Variants in TASOR2 observed in about 807,000 individuals in gnomAD.
TASOR2 encodes the protein protein TASOR 2.
Under a neutral mutation model 199.5 loss-of-function variants are expected in TASOR2, and 84 were observed. That is an observed-to-expected ratio of 0.42 (90% CI 0.35 to 0.50). The LOEUF (loss-of-function observed/expected upper bound fraction) is 0.50. Ranked by LOEUF, TASOR2 falls within the 20% of genes least tolerant of loss-of-function variation. TASOR2 has a pLI of 0.02. For synonymous variants in TASOR2, 1,103 were observed against 1,046.6 expected (o/e 1.05, Z -1.04); for missense variants, 2,796 against 2,835.9 (o/e 0.99, Z 0.32).
intron 1 of TASOR2, among the ~76,000 whole-genome samples, chr10:5,703,781 C>A (rs1294051221): frequency 6.6e-6 from 1 of 151,972 alleles, no homozygotes; most frequent in Non-Finnish European, 1.5e-5. Flanking sequence ...GGATTACAGG[C>A]GTGAGCCACC....
At chr10:5,762,511 G>GT (rs57228390) in intron 19 of TASOR2, 21 bp from the exon 21 acceptor site, 15,502 of 586,728 alleles carry the variant, frequency 0.026, 80 homozygotes, top group African/African-American at 0.036. Context: ...ACCAAAAGTT[G>GT]TTTTTTTTTT....
intron 2 of TASOR2, among the ~76,000 whole-genome samples, chr10:5,716,446 C>T (rs1832650377): frequency 1.3e-5 from 2 of 152,246 alleles, no homozygotes; most frequent in South Asian, 4.1e-4. Context: ...TTACATTCAA[C>T]TCATCTTCTA....
At chr10:5,749,660 G>A (rs1223546088) in exon 15 of TASOR2, 17 of 1,613,986 alleles carry the variant, frequency 1.1e-5, no homozygotes, top group Non-Finnish European at 1.4e-5. Context: ...AGAGATCTTA[G>A]AAATTCTCAA....
At chr10:5,735,349 A>T (rs1820569824) in exon 12 of TASOR2, 1 of 1,614,160 alleles carries the variant, frequency 6.2e-7, no homozygotes, top group East Asian at 2.2e-5. Flanking sequence ...ACCAAATTGG[A>T]TAGGAAAAAC....
In TASOR2 at chr10:5,742,094, T is replaced by C. The variant is rs371359465; in HGVS notation, c.2328-3T>C. On this transcript the variant is annotated splice_region_variant and splice_polypyrimidine_tract_variant and intron_variant, in intron 13 of 20. Coordinates refer to ENST00000328090, the Ensembl canonical transcript of TASOR2. This position sits in a 1 kb window ranked among gnomAD's most constrained non-coding sequence, Gnocchi z 4.2. ...TTCATGTGTTCTTTCTGTAAACTCT[T>C]AGGCCCTGGAATACTGATTTGCCTG... is the stretch of plus-strand genomic sequence containing the variant. 1.9e-6 allele frequency: 3 copies of C among 1,612,532 alleles called. No individual in the cohort carries two copies. The highest frequency in any genetic ancestry group is 2.5e-6 in the Non-Finnish European group (3 of 1,179,646).
rs138081312 is a variant in TASOR2 at position 5,752,084 on chromosome 10, G to A, written c.6606+2057G>A. ...TCCCGAAACTCCCTGACCTGAGCGC[G>A]GGCCAGCTGCCCTCCCCCTACCCTT... On this transcript the variant is annotated intron_variant, in intron 15 of 20. Coordinates refer to ENST00000328090, the Ensembl canonical transcript of TASOR2. The surrounding 1 kb of genome is among the most constrained non-coding windows in gnomAD (Gnocchi z 4.4). Among the ~76,000 whole-genome samples the A allele has an allele frequency of 1.8e-4, 28 of 152,098 alleles. No individual in the cohort carries two copies. The highest frequency in any genetic ancestry group is 5.5e-4 in the African/African-American group (23 of 41,496).
chr10:5,736,290 T>C (rs2131604633), intron 12 of TASOR2, among the ~76,000 whole-genome samples: 1 of 152,134 alleles, frequency 6.6e-6, no homozygotes, highest in Non-Finnish European at 1.5e-5. Context: ...TGGTGGCACA[T>C]GCCTGTAATC....
At position 5,703,705 on chromosome 10, in the gene TASOR2, G is replaced by A. The variant is rs1838202692; in HGVS notation, c.-287-9118G>A. Among the ~76,000 whole-genome samples, 4 of 151,208 alleles carry A rather than the reference G, an allele frequency of 2.6e-5. No individual in the cohort carries two copies. In the South Asian group the frequency reaches 8.4e-4, roughly 32 times the overall value. On this transcript the variant is annotated intron_variant, in intron 1 of 20. Transcript: ENST00000328090. Reference sequence around the variant, plus strand: ...TTTTTAGTAGAGACGGGGTTTCACTGTGTTAGCCACGATGGTCTCGATCTC... The same window carrying A: ...TTTTTAGTAGAGACGGGGTTTCACTATGTTAGCCACGATGGTCTCGATCTC...
Position 5,698,700 on chromosome 10 carries a change from T to C in TASOR2, c.-288+13525T>C, listed in dbSNP as rs773616616. On this transcript the variant is annotated intron_variant, in intron 1 of 20. Coordinates refer to ENST00000328090, the Ensembl canonical transcript of TASOR2. This position sits in a 1 kb window ranked among gnomAD's most constrained non-coding sequence, Gnocchi z 4.4. Reference sequence around the variant, plus strand: ...CTAAAGTATTTATTTTCTGACCCTTTATGAAAAAGTTTGCTGACCTTTTGA... The same window carrying C: ...CTAAAGTATTTATTTTCTGACCCTTCATGAAAAAGTTTGCTGACCTTTTGA... 3.6e-4 allele frequency among the ~76,000 whole-genome samples: 55 copies of C among 152,320 alleles called. No individual in the cohort carries two copies. Among genetic ancestry groups the C allele is most frequent in the Non-Finnish European group, 7.5e-4 (51 of 68,020 alleles).
At chr10:5,739,964 C>A (rs1280962202) in exon 13 of TASOR2, 5 of 1,614,006 alleles carry the variant, frequency 3.1e-6, no homozygotes, top group Non-Finnish European at 4.2e-6. Context: ...TACTACCTAA[C>A]CCATCTTCTG....
intron 1 of TASOR2, among the ~76,000 whole-genome samples, chr10:5,693,387 G>A (rs1836728693): frequency 6.6e-6 from 1 of 152,190 alleles, no homozygotes; most frequent in African/African-American, 2.4e-5. Context: ...CCCTTTGTGC[G>A]TGCCGTGATT....
At position 5,719,162 on chromosome 10, in the gene TASOR2, T is replaced by A. The variant is rs1417093404; in HGVS notation, c.-99-1382T>A. On this transcript the variant is annotated intron_variant, in intron 3 of 20. Coordinates refer to ENST00000328090, the Ensembl canonical transcript of TASOR2. This position sits in a 1 kb window ranked among gnomAD's most constrained non-coding sequence, Gnocchi z 4.1. ...AACAACAACAAAACATCTTCTTTTTTAAAAAGTAACTATATTCTTCTTATA... is the reference window on the plus strand; with the variant it reads ...AACAACAACAAAACATCTTCTTTTTAAAAAAGTAACTATATTCTTCTTATA... Among the ~76,000 whole-genome samples the A allele has an allele frequency of 5.3e-5, 8 of 151,510 alleles. No homozygotes were observed. The highest frequency in any genetic ancestry group is 6.6e-5 in the Admixed American group (1 of 15,256).
chr10:5,695,410 CAT>C (rs1436982251), intron 1 of TASOR2, among the ~76,000 whole-genome samples: 1 of 152,166 alleles, frequency 6.6e-6, no homozygotes, highest in Non-Finnish European at 1.5e-5. Flanking sequence ...TGAGTACATA[CAT>C]ATACACTAAC....
Position 5,747,200 on chromosome 10 carries a change from TCAAA to T in TASOR2, c.3787_3790del (p.Thr1263AlafsTer4), listed in dbSNP as rs1255898944. On this transcript the variant is annotated frameshift_variant, in exon 15 of 21. Coordinates refer to ENST00000328090, the Ensembl canonical transcript of TASOR2. LOFTEE classifies it high-confidence loss of function. Reference sequence around the variant, plus strand: ...TTGGAAGCGTTTGATTCAGTATTTATCAAACAAACAAGCCTGTCTGTGAGTAGAG... The same window carrying T: ...TTGGAAGCGTTTGATTCAGTATTTATCAAACAAGCCTGTCTGTGAGTAGAG... 5.6e-6 allele frequency: 9 copies of T among 1,613,904 alleles called. No individual in the cohort carries two copies. Among genetic ancestry groups the T allele is most frequent in the Non-Finnish European group, 7.6e-6 (9 of 1,180,042 alleles).
chr10:5,759,549 C>G (rs986063046), intron 18 of TASOR2, among the ~76,000 whole-genome samples: 4 of 152,188 alleles, frequency 2.6e-5, no homozygotes, highest in African/African-American at 9.7e-5. Context: ...CCTGACAAGC[C>G]CTTGTGAAAT....
At chr10:5,728,734 C>T (rs1032693333) in intron 10 of TASOR2, among the ~76,000 whole-genome samples, 4 of 152,040 alleles carry the variant, frequency 2.6e-5, no homozygotes, top group Admixed American at 6.5e-5. Context: ...TGGCAGCGAC[C>T]GTTTGCATTT....
At chr10:5,686,534 CAT>C (rs975182249) in intron 1 of TASOR2, among the ~76,000 whole-genome samples, 17 of 152,218 alleles carry the variant, frequency 1.1e-4, no homozygotes, top group Admixed American at 2.0e-4. Flanking sequence ...TTCAGGTGGT[CAT>C]GATAGTATTT....
chr10:5,703,643 A>G (rs2131526588), intron 1 of TASOR2, among the ~76,000 whole-genome samples: 1 of 150,974 alleles, frequency 6.6e-6, no homozygotes, highest in South Asian at 2.1e-4. Context: ...ATCTGGGACT[A>G]CAGGCGCCCG....
chr10:5,693,552 T>G (rs563995237), intron 1 of TASOR2, among the ~76,000 whole-genome samples: 18 of 152,310 alleles, frequency 1.2e-4, no homozygotes, highest in African/African-American at 4.1e-4. Flanking sequence ...TGCTATTTGT[T>G]TTCTCTACAT....
Sources: allele counts gnomAD v4.1 joint callset (sites outside exome capture counted in the v4.1 genomes callset), GRCh38; gene constraint gnomAD v4.1.1; non-coding constraint Gnocchi (gnomAD v3.1); transcripts MANE v1.5; gene names NCBI Gene and HGNC (gene_info 2026-07-23, HGNC 2026-07-21).